Variants in ROBO2 observed in about 807,000 individuals in gnomAD.
ROBO2 encodes the protein roundabout guidance receptor 2.
Under a neutral mutation model 160.8 loss-of-function variants are expected in ROBO2, and 53 were observed. The ratio of observed to expected loss-of-function variants is 0.33; its 90% CI spans 0.26 to 0.41. ROBO2 has a LOEUF of 0.41. Among genes scored for constraint, ROBO2 ranks in the 10% least tolerant of loss-of-function variants. The pLI is 1.00. For missense variants in ROBO2, 1,577 were observed against 1,722.4 expected, an observed-to-expected ratio of 0.92 and a Z score of 1.49; for synonymous variants, 664 against 611.7, an observed-to-expected ratio of 1.09 and a Z score of -1.26.
At chr3:76,363,533 T>C (rs1482086856) in intron 2 of ROBO2, among the ~76,000 whole-genome samples, 1 of 152,112 alleles carries the variant, frequency 6.6e-6, no homozygotes, top group Non-Finnish European at 1.5e-5. Context: ...GCATCGTGTT[T>C]TGAATGGATT....
chr3:77,505,711 T>C (rs1195278633), intron 5 of ROBO2, among the ~76,000 whole-genome samples: 1 of 152,094 alleles, frequency 6.6e-6, no homozygotes. Flanking sequence ...TTACAAGTGC[T>C]TTCCTTAGAA....
chr3:76,517,327 T>C (rs1027139194), intron 2 of ROBO2, among the ~76,000 whole-genome samples: 1 of 151,554 alleles, frequency 6.6e-6, no homozygotes, highest in Non-Finnish European at 1.5e-5. Flanking sequence ...AAAGGAAAAA[T>C]AAAAAGTTAG....
chr3:75,957,693 A>G (rs1423448602), intron 2 of ROBO2, among the ~76,000 whole-genome samples: 2 of 150,506 alleles, frequency 1.3e-5, no homozygotes, highest in African/African-American at 2.4e-5. Context: ...TTTGAAAAAC[A>G]TTACTAAGAG....
chr3:76,662,165 A>T (rs1334161936), intron 2 of ROBO2, among the ~76,000 whole-genome samples: 1 of 152,154 alleles, frequency 6.6e-6, no homozygotes, highest in Non-Finnish European at 1.5e-5. Flanking sequence ...CTCTTGGCCA[A>T]AAGAAGGGGT....
intron 2 of ROBO2, among the ~76,000 whole-genome samples, chr3:76,293,402 C>A: frequency 6.6e-6 from 1 of 152,092 alleles, no homozygotes. Context: ...GCCAAAGGGG[C>A]CAGACTGAAC....
intron 2 of ROBO2, among the ~76,000 whole-genome samples, chr3:76,401,457 T>A (rs2077809773): frequency 6.6e-6 from 1 of 151,506 alleles, no homozygotes; most frequent in African/African-American, 2.4e-5. Flanking sequence ...ATTAAATGAA[T>A]AATCAATTGT....
chr3:77,208,983 G>A (rs1056868289), intron 2 of ROBO2, among the ~76,000 whole-genome samples: 1 of 152,088 alleles, frequency 6.6e-6, no homozygotes, highest in Non-Finnish European at 1.5e-5. Flanking sequence ...TATGGCTTAT[G>A]TATTACAAAA....
intron 2 of ROBO2, among the ~76,000 whole-genome samples, chr3:76,831,899 G>T (rs1286556300): frequency 6.6e-6 from 1 of 152,168 alleles, no homozygotes; most frequent in East Asian, 1.9e-4. Context: ...GATATGTCCT[G>T]ACTGACTTAG....
chr3:77,493,456 G>A lies in ROBO2; in HGVS notation c.806+74G>A, dbSNP rs868165533. On this transcript the variant is annotated intron_variant, in intron 5 of 25. Transcript: ENST00000461745. The stretch of plus-strand genomic sequence containing the variant: ...TAGAAAATAAAAGGACAGCTACAAT[G>A]CCACCACCAAACACTCCTATGTCTT... The A allele has an allele frequency of 4.3e-5, 64 of 1,502,040 alleles. No homozygotes were observed. In the South Asian group the frequency reaches 5.4e-4, roughly 13 times the overall value. 93.0% of individuals were successfully genotyped at this position (1,502,040 alleles called of 1,614,324 possible).
chr3:76,010,596 A>C (rs2107609535), intron 2 of ROBO2, among the ~76,000 whole-genome samples: 1 of 152,368 alleles, frequency 6.6e-6, no homozygotes, highest in South Asian at 2.1e-4. Context: ...TCTAAATATA[A>C]CCACCTGCCT....
At chr3:76,032,148 G>C (rs942031322) in intron 2 of ROBO2, among the ~76,000 whole-genome samples, 1 of 152,134 alleles carries the variant, frequency 6.6e-6, no homozygotes, top group African/African-American at 2.4e-5. Flanking sequence ...TTGCAGAGAG[G>C]TGTTTATAGT....
At chr3:77,111,874 T>C (rs2073627422) in intron 2 of ROBO2, among the ~76,000 whole-genome samples, 1 of 152,152 alleles carries the variant, frequency 6.6e-6, no homozygotes, top group Non-Finnish European at 1.5e-5. Context: ...TGAATATTTC[T>C]AAGTACCTGT....
At chr3:76,348,279 G>A (rs1420568367) in intron 2 of ROBO2, among the ~76,000 whole-genome samples, 2 of 152,150 alleles carry the variant, frequency 1.3e-5, no homozygotes, top group African/African-American at 2.4e-5. Context: ...GGGGAGGCAA[G>A]TAATTGTTGG....
At chr3:77,127,884 C>G (rs1312240611) in intron 2 of ROBO2, among the ~76,000 whole-genome samples, 1 of 152,126 alleles carries the variant, frequency 6.6e-6, no homozygotes, top group African/African-American at 2.4e-5. Flanking sequence ...GAATGAAGGA[C>G]CTTCCATTCA....
chr3:77,491,472 A>G (rs1181436685), intron 4 of ROBO2, among the ~76,000 whole-genome samples: 11 of 152,122 alleles, frequency 7.2e-5, no homozygotes, highest in African/African-American at 2.7e-4. Context: ...TACTATTAGC[A>G]TTTGGGACCC....
intron 2 of ROBO2, among the ~76,000 whole-genome samples, chr3:77,412,775 C>T (rs1279511003): frequency 6.6e-6 from 1 of 152,236 alleles, no homozygotes; most frequent in East Asian, 1.9e-4. Context: ...CAACCCCACA[C>T]TTCCTGTTTT....
At chr3:76,632,777 T>C (rs979453126) in intron 2 of ROBO2, among the ~76,000 whole-genome samples, 2 of 152,200 alleles carry the variant, frequency 1.3e-5, no homozygotes, top group African/African-American at 4.8e-5. Flanking sequence ...GTCCTCTACA[T>C]TGGGATGTCT....
chr3:77,616,724 A>G (rs1311793814), intron 21 of ROBO2, among the ~76,000 whole-genome samples: 1 of 152,194 alleles, frequency 6.6e-6, no homozygotes, highest in Non-Finnish European at 1.5e-5. Flanking sequence ...ATTGAAATAA[A>G]AAAGCTATTG....
At chr3:77,485,849 C>T (rs2085288514) in intron 4 of ROBO2, among the ~76,000 whole-genome samples, 1 of 152,042 alleles carries the variant, frequency 6.6e-6, no homozygotes, top group Non-Finnish European at 1.5e-5. Context: ...TAAACTTGTG[C>T]CATGGTGGTT....
Sources: allele counts gnomAD v4.1 joint callset (sites outside exome capture counted in the v4.1 genomes callset), GRCh38; gene constraint gnomAD v4.1.1; transcripts MANE v1.5; gene names NCBI Gene and HGNC (gene_info 2026-07-23, HGNC 2026-07-21).